ADCK5: variants seen among roughly 807,000 people sequenced by gnomAD.
ADCK5 encodes aarF domain containing kinase 5.
A neutral mutation model predicts 64.9 loss-of-function variants in ADCK5; 43 were observed. The ratio of observed to expected loss-of-function variants is 0.66; its 90% CI spans 0.52 to 0.85. The LOEUF (loss-of-function observed/expected upper bound fraction) is 0.85, where lower values mean the gene tolerates loss of function less well. Ranked by LOEUF, ADCK5 falls within the 40% of genes least tolerant of loss-of-function variation. The pLI, the probability that ADCK5 is intolerant of heterozygous loss-of-function variation, is 0.00. For synonymous variants in ADCK5, 434 were observed against 342.8 expected, an observed-to-expected ratio of 1.27 and a Z score of -2.94; for missense variants, 760 against 810.5, an observed-to-expected ratio of 0.94 and a Z score of 0.76.
chr8:144,389,201 T>TG, intron 3 of ADCK5: 1 of 453,694 alleles, frequency 2.2e-6, no homozygotes, highest in Non-Finnish European at 4.4e-6. Context: ...GCCCAGTACC[T>TG]GCTCAACAGA....
rs1157204804 is a variant in ADCK5, at chr8:144,382,995, C to T, written c.117-86C>T. On this transcript the variant is annotated intron_variant, in intron 2 of 14. Transcript: ENST00000308860. ...AATGGCTGTGCACACAGGAGTGAGA[C>T]GTGGTGCTGGGGGAGGTGGGGGCAG... The T allele has an allele frequency of 1.8e-5, 27 of 1,516,750 alleles. No homozygotes were observed. The East Asian group carries it at 2.2e-4, about 12-fold the overall frequency. 94.0% of individuals were successfully genotyped at this position (1,516,750 alleles called of 1,614,324 possible).
chr8:144,380,110 G>A (rs1428821831), intron 2 of ADCK5, among the ~76,000 whole-genome samples: 1 of 152,268 alleles, frequency 6.6e-6, no homozygotes, highest in Non-Finnish European at 1.5e-5. Context: ...ACAGATGGGT[G>A]CTCAGGCGCC....
chr8:144,392,899 G>A lies in ADCK5; in HGVS notation c.1637+7G>A. 6.2e-7 allele frequency: 1 copy of A among 1,600,034 alleles called. No homozygotes were observed. The highest frequency in any genetic ancestry group is 8.5e-7 in the Non-Finnish European group (1 of 1,176,060). ...AGTTTGAAGTGGCGCTCAGGTGAGT[G>A]GCCGCGGGGCAGGTGGGTGGCGGGG... On this transcript the variant is annotated splice_region_variant and intron_variant, in intron 14 of 14. Transcript: ENST00000308860.
chr8:144,391,274 G>A lies in ADCK5; in HGVS notation c.684G>A (p.Lys228=), dbSNP rs1554860446. The A allele has an allele frequency of 1.2e-6, 2 of 1,612,368 alleles. No individual in the cohort carries two copies. The highest frequency in any genetic ancestry group is 3.3e-5 in the Admixed American group (2 of 60,030). Residue 228 remains lysine, a splice_region_variant and synonymous_variant, in exon 6 of 15, where the codon AAG becomes AAA. Coordinates refer to ENST00000308860, the MANE Select transcript of ADCK5 (RefSeq NM_174922.5). ...KLHDGTSVAV[K]VQYIDLRDRF... ...ACGATGGCACCAGCGTGGCTGTGAA[G>A]GTATATGGGGGCTGCCTTGTTCAGC...
Position 144,391,370 on chromosome 8 carries a change from A to C in ADCK5, c.694A>C (p.Ile232Leu), listed in dbSNP as rs1378842603. 4 of 1,613,200 alleles carry C rather than the reference A, an allele frequency of 2.5e-6. No homozygotes were observed. Among genetic ancestry groups the C allele is most frequent in the South Asian group, 1.1e-5 (1 of 91,080 alleles). Residue 232 changes from isoleucine (I) to leucine (L), a missense_variant, in exon 7 of 15, where the codon ATC becomes CTC. Ile to Leu is a conservative substitution (Grantham distance 5, BLOSUM62 2). Coordinates refer to ENST00000308860, the MANE Select transcript of ADCK5 (RefSeq NM_174922.5). ...GTSVAVKVQY[I>L]DLRDRFDGDI... Reference sequence around the variant, plus strand: ...CCCTCGCCCAGTGCAGGTGCAGTACATCGACCTGCGGGACCGCTTTGATGG... The same window carrying C: ...CCCTCGCCCAGTGCAGGTGCAGTACCTCGACCTGCGGGACCGCTTTGATGG...
rs1197147017 is a variant in ADCK5 at position 144,376,634 on chromosome 8, C to T, written c.12+2527C>T. ...TGGTGGAGCCTGTGGAAACAGCTTG[C>T]GTTGCTGGTCATGGATGAGGTGGGC... On this transcript the variant is annotated intron_variant, in intron 1 of 14. Coordinates refer to ENST00000308860, the MANE Select transcript of ADCK5 (RefSeq NM_174922.5). This position sits in a 1 kb window ranked among gnomAD's most constrained non-coding sequence, Gnocchi z 5.1. Among the ~76,000 whole-genome samples, 2 of 152,220 alleles carry T rather than the reference C, an allele frequency of 1.3e-5. No individual in the cohort carries two copies. The highest frequency in any genetic ancestry group is 2.4e-5 in the African/African-American group (1 of 41,462).
intron 2 of ADCK5, among the ~76,000 whole-genome samples, chr8:144,379,923 G>A (rs1175836604): frequency 5.3e-5 from 8 of 152,212 alleles, no homozygotes; most frequent in Admixed American, 1.3e-4. Context: ...ACCACAGTGC[G>A]CAGATGGACG....
chr8:144,374,114 A>C lies in ADCK5; in HGVS notation c.12+7A>C. The C allele has an allele frequency of 8.0e-7, 1 of 1,247,148 alleles. No individual in the cohort carries two copies. The highest frequency in any genetic ancestry group is 1.6e-5 in the African/African-American group (1 of 64,056). The allele number at this position is 1,247,148 out of a possible 1,614,324, so 77.3% of individuals were successfully genotyped here. A position where few individuals can be genotyped will look rare whatever the true frequency, so the allele number is the denominator to read the frequency against. On this transcript the variant is annotated splice_region_variant and intron_variant, in intron 1 of 14. Transcript: ENST00000308860. Reference sequence around the variant, plus strand: ...GTCGGAGATGTGGCGACCGGTGAGGACTCTCCCGGCCCGGGGCGCCCGAGA... The same window carrying C: ...GTCGGAGATGTGGCGACCGGTGAGGCCTCTCCCGGCCCGGGGCGCCCGAGA...
At chr8:144,383,043 G>C (rs199589796) in intron 2 of ADCK5, 38 bp from the exon 3 acceptor site, 1 of 1,568,218 alleles carries the variant, frequency 6.4e-7, no homozygotes, top group Non-Finnish European at 8.6e-7. Context: ...AGCTGAATGT[G>C]GGGGGCGGCG....
At chr8:144,386,095 A>T (rs1554859221) in intron 3 of ADCK5, among the ~76,000 whole-genome samples, 1 of 151,032 alleles carries the variant, frequency 6.6e-6, no homozygotes, top group African/African-American at 2.4e-5. Flanking sequence ...TGCAACCTCC[A>T]TATCCCAGGT....
chr8:144,389,382 C>G, intron 3 of ADCK5: 1 of 456,198 alleles, frequency 2.2e-6, no homozygotes, highest in South Asian at 1.5e-5. Flanking sequence ...GCCCTGCCCC[C>G]TTGCTGCCAT....
intron 3 of ADCK5, among the ~76,000 whole-genome samples, chr8:144,386,641 A>G (rs1277849823): frequency 2.6e-5 from 4 of 152,220 alleles, no homozygotes; most frequent in Non-Finnish European, 4.4e-5. Flanking sequence ...TACAGGCATG[A>G]GCCACCACGC....
rs2130735357 is a variant in ADCK5 at position 144,392,350 on chromosome 8, G to GGGGGTGCAAGGTGAA, written c.1267+7_1267+8insGGTGCAAGGTGAAGG. On this transcript the variant is annotated splice_donor_region_variant and intron_variant, in intron 12 of 14. Transcript: ENST00000308860. ...CAGCCGCACTGGGGGTGCAAGGTGA[G>GGGGGTGCAAGGTGAA]GGCGTGCGGGGATGGCTGGGGCACC... 6.7e-7 allele frequency: 1 copy of GGGGGTGCAAGGTGAA among 1,487,166 alleles called. No individual in the cohort carries two copies. The highest frequency in any genetic ancestry group is 2.5e-5 in the East Asian group (1 of 40,442). The allele number at this position is 1,487,166 out of a possible 1,614,324, so 92.1% of individuals were successfully genotyped here.
rs1819265572 is a variant in ADCK5 at position 144,374,105 on chromosome 8, C to G, written c.10C>G (p.Pro4Ala). ...GGAGCAGTGGTCGGAGATGTGGCGA[C>G]CGGTGAGGACTCTCCCGGCCCGGGG... MWR[P>A]VQLCHFHSAL... Residue 4 changes from proline (P) to alanine (A), a missense_variant and splice_region_variant, in exon 1 of 15, where the codon CCG (proline) becomes GCG (alanine). Physicochemically the swap from Pro to Ala is conservative, Grantham distance 27. Transcript: ENST00000308860. 2.2e-5 allele frequency: 28 copies of G among 1,248,566 alleles called. No homozygotes were observed. Among genetic ancestry groups the G allele is most frequent in the Non-Finnish European group, 2.7e-5 (27 of 988,882 alleles). The allele number at this position is 1,248,566 out of a possible 1,614,324, so 77.3% of individuals were successfully genotyped here. A position where few individuals can be genotyped will look rare whatever the true frequency, so the allele number is the denominator to read the frequency against.
rs200173122 is a variant in ADCK5, at chr8:144,392,111, G to C, written c.1116G>C (p.Pro372=). ...HPGNVLVRKG[P]DGKAELVLLD... Reference sequence around the variant, plus strand: ...CCCTAGTTCTGGTGCGGAAAGGCCCGGACGGGAAAGCGGAGCTGGTGCTGC... The same window carrying C: ...CCCTAGTTCTGGTGCGGAAAGGCCCCGACGGGAAAGCGGAGCTGGTGCTGC... Residue 372 remains proline (P), a synonymous_variant, in exon 11 of 15, where the codon CCG becomes CCC. Transcript: ENST00000308860. 20 of 1,611,740 alleles carry C rather than the reference G, an allele frequency of 1.2e-5. No individual in the cohort carries two copies. The highest frequency in any genetic ancestry group is 1.7e-5 in the Non-Finnish European group (20 of 1,179,766).
chr8:144,373,804 C>G (rs1460983835), upstream of ADCK5: 1 of 355,074 alleles, frequency 2.8e-6, no homozygotes, highest in Non-Finnish European at 5.0e-6. Flanking sequence ...GCGGTCCTTC[C>G]GGCAGGTGCC....
intron 1 of ADCK5, among the ~76,000 whole-genome samples, chr8:144,374,460 G>A (rs1376842477): frequency 6.6e-6 from 1 of 152,180 alleles, no homozygotes; most frequent in Admixed American, 6.5e-5. Flanking sequence ...GCCTCCCCGA[G>A]AGCTGGGATT....
In ADCK5 at chr8:144,391,181, C is replaced by A. The variant is rs200367699; in HGVS notation, c.591C>A (p.Leu197=). ...ACTTCCAGGCCCTCCCCCACGAGCT[C>A]TTCCAGGAGTTTGACTACCAGCCAA... The part of the protein sequence containing the change: ...LEDFQALPHE[L]FQEFDYQPIA... The change falls in exon 6 of 15, where the codon CTC becomes CTA. Residue 197 remains leucine, a synonymous_variant. Transcript: ENST00000308860. 2 of 1,612,390 alleles carry A rather than the reference C, an allele frequency of 1.2e-6. No homozygotes were observed. Among genetic ancestry groups the A allele is most frequent in the Non-Finnish European group, 1.7e-6 (2 of 1,180,022 alleles).
chr8:144,379,300 C>T, intron 1 of ADCK5, 87 bp from the exon 2 acceptor site: 3 of 987,746 alleles, frequency 3.0e-6, no homozygotes, highest in Non-Finnish European at 4.4e-6. Context: ...CTGCCTCAGA[C>T]TCCAGCACAT....
Sources: allele counts gnomAD v4.1 joint callset (sites outside exome capture counted in the v4.1 genomes callset), GRCh38; gene constraint gnomAD v4.1.1; non-coding constraint Gnocchi (gnomAD v3.1); transcripts MANE v1.5; gene names NCBI Gene and HGNC (gene_info 2026-07-23, HGNC 2026-07-21).